LMX1A: variants seen among roughly 807,000 people sequenced by gnomAD.
LMX1A encodes the protein LIM homeobox transcription factor 1 alpha, also known as LIM homeobox transcription factor 1-alpha.
LMX1A carries 15 observed loss-of-function variants against 49.1 expected under a neutral mutation model. That is an observed-to-expected ratio of 0.31 (90% CI 0.20 to 0.47). The LOEUF (loss-of-function observed/expected upper bound fraction) is 0.47. Among genes scored for constraint, LMX1A ranks in the 20% least tolerant of loss-of-function variants. The pLI, the probability that LMX1A is intolerant of heterozygous loss-of-function variation, is 1.00. For missense variants in LMX1A, 372 were observed against 475.8 expected (o/e 0.78, Z 2.03); for synonymous variants, 167 against 185.7 (o/e 0.90, Z 0.82).
chr1:165,313,471 CTTTTTTTTTTT>C (rs34912339), intron 3 of LMX1A, among the ~76,000 whole-genome samples: 2 of 114,846 alleles, frequency 1.7e-5, no homozygotes, highest in Non-Finnish European at 3.5e-5. Flanking sequence ...CACCTTCTTC[CTTTTTTTTTTT>C]TTTTTTTTTT....
Position 165,289,548 on chromosome 1 carries a change from T to C in LMX1A, c.264-39908A>G, listed in dbSNP as rs191769534. Among the ~76,000 whole-genome samples, 8 of 152,378 alleles carry C rather than the reference T, an allele frequency of 5.3e-5. No homozygotes were observed. In the East Asian group the frequency reaches 1.5e-3, roughly 29 times the overall value. On this transcript the variant is annotated intron_variant, in intron 3 of 8. Transcript: ENST00000342310. ...AGTAATTCAGCATGTAAAATGTTCA[T>C]GTTTCCAGTGTCCAAAATCTCAGGG...
At chr1:165,272,364 T>G (rs1393563504) in intron 3 of LMX1A, among the ~76,000 whole-genome samples, 11 of 152,124 alleles carry the variant, frequency 7.2e-5, no homozygotes, top group Non-Finnish European at 2.9e-5. Context: ...AGAGATCTGG[T>G]TACACTGGTG....
intron 3 of LMX1A, among the ~76,000 whole-genome samples, chr1:165,287,214 G>A (rs528814155): frequency 1.4e-3 from 208 of 152,158 alleles, no homozygotes; most frequent in African/African-American, 4.9e-3. Flanking sequence ...ACCTGATCCG[G>A]TCCAATCATC....
At chr1:165,282,368 T>C (rs910936527) in intron 3 of LMX1A, among the ~76,000 whole-genome samples, 2 of 152,252 alleles carry the variant, frequency 1.3e-5, no homozygotes, top group South Asian at 4.1e-4. Flanking sequence ...AAATGTAGTA[T>C]GTGCATGTAA....
intron 3 of LMX1A, among the ~76,000 whole-genome samples, chr1:165,346,035 G>C (rs1335465058): frequency 6.6e-6 from 1 of 152,186 alleles, no homozygotes; most frequent in Non-Finnish European, 1.5e-5. Flanking sequence ...GGGAGAAGGG[G>C]ACAGAGGCAG....
At chr1:165,214,274 C>T (rs1406058693) in intron 4 of LMX1A, among the ~76,000 whole-genome samples, 1 of 152,218 alleles carries the variant, frequency 6.6e-6, no homozygotes, top group Non-Finnish European at 1.5e-5. Flanking sequence ...TTCTCTCCTG[C>T]TTTGCCATGT....
intron 3 of LMX1A, among the ~76,000 whole-genome samples, chr1:165,340,271 G>GT (rs1656032674): frequency 6.6e-6 from 1 of 151,798 alleles, no homozygotes; most frequent in Admixed American, 6.6e-5. Flanking sequence ...CCTGGCTAAT[G>GT]TTTTTGTTTT....
intron 3 of LMX1A, among the ~76,000 whole-genome samples, chr1:165,342,227 G>A (rs915324434): frequency 3.9e-5 from 6 of 152,206 alleles, no homozygotes; most frequent in Admixed American, 2.0e-4. Context: ...GCCTCCACTG[G>A]GGGCACAGTG....
At chr1:165,307,002 G>T (rs16842342) in intron 3 of LMX1A, among the ~76,000 whole-genome samples, 7,232 of 152,342 alleles carry the variant, frequency 0.047, 600 homozygotes, top group African/African-American at 0.17. Context: ...AGAAGCCAGA[G>T]GCTGCGTCTG....
chr1:165,303,818 T>G lies in LMX1A; in HGVS notation c.263+49258A>C, dbSNP rs552765709. ...CTAACAATTATTTTTCTAAACAGCC[T>G]CATTCCAAGCTGTGGAGGCTGGGGT... On this transcript the variant is annotated intron_variant, in intron 3 of 8. Transcript: ENST00000342310. Among the ~76,000 whole-genome samples the G allele has an allele frequency of 3.9e-5, 6 of 152,228 alleles. No individual in the cohort carries two copies. The East Asian group carries it at 7.7e-4, about 20-fold the overall frequency.
At chr1:165,229,714 GGTTTTTTT>G (rs953417445) in intron 4 of LMX1A, among the ~76,000 whole-genome samples, 49 of 139,264 alleles carry the variant, frequency 3.5e-4, no homozygotes, top group Middle Eastern at 3.7e-3. Flanking sequence ...CAATCAGGAG[GGTTTTTTT>G]GTTTTTTTGT....
intron 3 of LMX1A, among the ~76,000 whole-genome samples, chr1:165,320,752 T>C (rs998266315): frequency 1.3e-5 from 2 of 152,224 alleles, no homozygotes; most frequent in African/African-American, 4.8e-5. Context: ...TCTGGGATGC[T>C]AGGAGTATTG....
chr1:165,337,738 G>C (rs2101758914), intron 3 of LMX1A, among the ~76,000 whole-genome samples: 1 of 152,270 alleles, frequency 6.6e-6, no homozygotes, highest in Non-Finnish European at 1.5e-5. Flanking sequence ...CTAAGGATAT[G>C]GGTTGGGTTC....
intron 3 of LMX1A, among the ~76,000 whole-genome samples, chr1:165,261,298 C>A (rs1329031648): frequency 6.6e-6 from 1 of 152,124 alleles, no homozygotes; most frequent in Non-Finnish European, 1.5e-5. Context: ...TCAACTCTCT[C>A]CCCATCCTTC....
In LMX1A at chr1:165,286,254, T is replaced by C. The variant is rs143324618; in HGVS notation, c.264-36614A>G. Reference sequence around the variant, plus strand: ...ATAATTTATGTAAAGGCACAGAGTATGTCGGCACTCAATAAATGTCAGCTT... The same window carrying C: ...ATAATTTATGTAAAGGCACAGAGTACGTCGGCACTCAATAAATGTCAGCTT... On this transcript the variant is annotated intron_variant, in intron 3 of 8. Transcript: ENST00000342310. Among the ~76,000 whole-genome samples the C allele has an allele frequency of 2.0e-3, 303 of 152,332 alleles. 4 individuals are homozygous for C. In the East Asian group the frequency reaches 0.02, roughly 10 times the overall value.
chr1:165,268,147 T>G (rs1653684544), intron 3 of LMX1A, among the ~76,000 whole-genome samples: 2 of 152,070 alleles, frequency 1.3e-5, no homozygotes, highest in South Asian at 4.2e-4. Flanking sequence ...CAGCCTTAAC[T>G]TAGAGCAAGT....
intron 3 of LMX1A, among the ~76,000 whole-genome samples, chr1:165,332,461 A>C (rs936194561): frequency 6.6e-6 from 1 of 152,194 alleles, no homozygotes; most frequent in Non-Finnish European, 1.5e-5. Context: ...TAACTATTAC[A>C]CTATATATAA....
chr1:165,331,010 C>A (rs1200545380), intron 3 of LMX1A, among the ~76,000 whole-genome samples: 1 of 152,164 alleles, frequency 6.6e-6, no homozygotes, highest in Non-Finnish European at 1.5e-5. Context: ...AAGTTAACTG[C>A]CTACTGGCAA....
At chr1:165,294,895 C>T (rs1449814811) in intron 3 of LMX1A, among the ~76,000 whole-genome samples, 1 of 151,872 alleles carries the variant, frequency 6.6e-6, no homozygotes, top group Non-Finnish European at 1.5e-5. Context: ...ACCCGGGAGG[C>T]AGAGGTTGCA....
Sources: allele counts gnomAD v4.1 joint callset (sites outside exome capture counted in the v4.1 genomes callset), GRCh38; gene constraint gnomAD v4.1.1; transcripts MANE v1.5; gene names NCBI Gene and HGNC (gene_info 2026-07-23, HGNC 2026-07-21).